The following CSMD1 variants were observed in gnomAD, a reference collection of about 807,000 sequenced individuals.
CSMD1 encodes CUB and Sushi multiple domains 1, also known as CUB and sushi domain-containing protein 1.
Under a neutral mutation model 417.5 loss-of-function variants are expected in CSMD1, and 213 were observed. That is an observed-to-expected ratio of 0.51 (90% CI 0.46 to 0.57). The LOEUF is 0.57. Among genes scored for constraint, CSMD1 ranks in the 20% least tolerant of loss-of-function variants. The probability of loss-of-function intolerance (pLI) is 0.00; values close to 1 mark genes in which losing one functional copy is unlikely to be tolerated. For missense variants in CSMD1, 6,923 were observed against 4,529.7 expected (o/e 1.53, Z -15.17); for synonymous variants, 2,862 against 1,736.8 (o/e 1.65, Z -16.11).
At chr8:3,332,672 C>T (rs180711217) in intron 23 of CSMD1, among the ~76,000 whole-genome samples, 255 of 151,968 alleles carry the variant, frequency 1.7e-3, no homozygotes, top group Middle Eastern at 3.4e-3. Flanking sequence ...TGTGGGAGTG[C>T]GTGCATGTGT....
rs375471680 is a variant in CSMD1 at position 3,119,638 on chromosome 8, T to C, written c.6242-1051A>G. ...CTGATACTGTAATTTTAAAGCTAAA[T>C]GAGCCTCTCGCCCACTCTGGGAAGA... is the stretch of plus-strand genomic sequence containing the variant. On this transcript the variant is annotated intron_variant, in intron 41 of 69. Transcript: ENST00000635120. 6.1e-4 allele frequency among the ~76,000 whole-genome samples: 93 copies of C among 152,320 alleles called. 1 individual carries two copies. The East Asian group carries it at 7.4e-3, about 12-fold the overall frequency.
intron 1 of CSMD1, among the ~76,000 whole-genome samples, chr8:4,887,447 C>A (rs1468804967): frequency 1.3e-5 from 2 of 151,988 alleles, no homozygotes; most frequent in South Asian, 2.1e-4. Flanking sequence ...AGATTTTTTT[C>A]ACTTGGCTAC....
At chr8:4,445,123 G>A (rs768081649) in intron 2 of CSMD1, among the ~76,000 whole-genome samples, 28 of 152,302 alleles carry the variant, frequency 1.8e-4, no homozygotes, top group Non-Finnish European at 3.1e-4. Context: ...TGACTGGATA[G>A]TAGATACAGT....
chr8:3,964,094 G>A (rs985590551), intron 5 of CSMD1, among the ~76,000 whole-genome samples: 1 of 152,146 alleles, frequency 6.6e-6, no homozygotes, highest in Non-Finnish European at 1.5e-5. Context: ...TTTGTCAACA[G>A]TAAAAAGAAC....
chr8:4,251,020 A>C (rs1585098132), intron 3 of CSMD1, among the ~76,000 whole-genome samples: 1 of 152,182 alleles, frequency 6.6e-6, no homozygotes, highest in African/African-American at 2.4e-5. Flanking sequence ...TGACAAGCAT[A>C]TTTTTAGATA....
chr8:3,298,969 A>G (rs916744633), intron 25 of CSMD1, among the ~76,000 whole-genome samples: 2 of 152,322 alleles, frequency 1.3e-5, no homozygotes, highest in East Asian at 3.9e-4. Context: ...AGAAGCTTAC[A>G]CAGAAAAACA....
chr8:3,532,475 T>A (rs1798023312), intron 10 of CSMD1, among the ~76,000 whole-genome samples: 1 of 152,190 alleles, frequency 6.6e-6, no homozygotes, highest in Non-Finnish European at 1.5e-5. Flanking sequence ...TTTCCTTGCC[T>A]GGTTTTTACC....
chr8:2,997,904 C>G lies in CSMD1; in HGVS notation c.8377+107G>C. The G allele has an allele frequency of 9.4e-6, 10 of 1,064,870 alleles. No homozygotes were observed. The Admixed American group carries it at 2.8e-4, about 30-fold the overall frequency. The allele number at this position is 1,064,870 out of a possible 1,614,324, so 66.0% of individuals were successfully genotyped here. ...ACCTGAATGGTGAGAGTTTGCAGAACTCTTTATGCATTACCCTTGATTCAT... is the reference window on the plus strand; with the variant it reads ...ACCTGAATGGTGAGAGTTTGCAGAAGTCTTTATGCATTACCCTTGATTCAT... On this transcript the variant is annotated intron_variant, in intron 54 of 69. Transcript: ENST00000635120.
At chr8:3,792,442 G>C (rs1051373117) in intron 5 of CSMD1, among the ~76,000 whole-genome samples, 1 of 152,166 alleles carries the variant, frequency 6.6e-6, no homozygotes, top group East Asian at 1.9e-4. Flanking sequence ...AGGCAAAACT[G>C]AACAAGATGA....
chr8:4,118,269 G>A (rs1802275818), intron 3 of CSMD1, among the ~76,000 whole-genome samples: 1 of 152,220 alleles, frequency 6.6e-6, no homozygotes, highest in Non-Finnish European at 1.5e-5. Flanking sequence ...ATGCCCTTAA[G>A]AAATGCTCAC....
chr8:3,453,795 T>TG lies in CSMD1; in HGVS notation c.1561+14916dup, dbSNP rs555017653. ...GAAAAGAATATATATTCTATTGATT[T>TG]GGGGGGGATAGTTCTGTAGATGTCT... is the stretch of plus-strand genomic sequence containing the variant. On this transcript the variant is annotated intron_variant, in intron 12 of 69. Coordinates refer to ENST00000635120, the MANE Select transcript of CSMD1 (RefSeq NM_033225.6). 1.7e-3 allele frequency among the ~76,000 whole-genome samples: 260 copies of TG among 152,252 alleles called. 1 individual carries two copies. Among genetic ancestry groups the TG allele is most frequent in the Middle Eastern group, 3.4e-3 (1 of 294 alleles).
At chr8:4,413,861 G>C (rs1796785477) in intron 3 of CSMD1, among the ~76,000 whole-genome samples, 1 of 152,138 alleles carries the variant, frequency 6.6e-6, no homozygotes, top group African/African-American at 2.4e-5. Context: ...GAAGGAATGT[G>C]TTTACAGGAA....
intron 18 of CSMD1, among the ~76,000 whole-genome samples, chr8:3,386,260 T>G (rs958641569): frequency 1.3e-5 from 2 of 152,220 alleles, no homozygotes; most frequent in African/African-American, 4.8e-5. Flanking sequence ...GGCTCACCCC[T>G]GCGTTGCTTG....
intron 12 of CSMD1, among the ~76,000 whole-genome samples, chr8:3,431,157 T>C (rs912791505): frequency 3.3e-5 from 5 of 152,150 alleles, no homozygotes; most frequent in African/African-American, 1.2e-4. Flanking sequence ...AGCAACTCTA[T>C]GGACTCTCTA....
At position 4,191,306 on chromosome 8, in the gene CSMD1, G is replaced by A. The variant is rs374408580; in HGVS notation, c.416-159207C>T. 1.8e-3 allele frequency among the ~76,000 whole-genome samples: 272 copies of A among 152,228 alleles called. 1 individual carries two copies. The highest frequency in any genetic ancestry group is 6.3e-3 in the African/African-American group (263 of 41,528). ...AGCTACTCGGGAGGCTGAGGCAGGA[G>A]AATGGCGTGAACCCGGGAGGCAGAG... is the stretch of plus-strand genomic sequence containing the variant. On this transcript the variant is annotated intron_variant, in intron 3 of 69. Transcript: ENST00000635120.
chr8:3,863,798 A>G (rs1804893166), intron 5 of CSMD1, among the ~76,000 whole-genome samples: 1 of 152,170 alleles, frequency 6.6e-6, no homozygotes, highest in Admixed American at 6.6e-5. Context: ...TAAAAATTCT[A>G]CAATCTTCTA....
At chr8:3,779,734 T>C (rs1199952672) in intron 5 of CSMD1, among the ~76,000 whole-genome samples, 2 of 152,194 alleles carry the variant, frequency 1.3e-5, no homozygotes, top group African/African-American at 4.8e-5. Context: ...GAACATAAAA[T>C]TATATTTAAG....
At chr8:4,949,539 T>G (rs1808594949) in intron 1 of CSMD1, among the ~76,000 whole-genome samples, 1 of 152,182 alleles carries the variant, frequency 6.6e-6, no homozygotes, top group Non-Finnish European at 1.5e-5. Flanking sequence ...TGTCCAGACG[T>G]GCTTAGTTGT....
intron 2 of CSMD1, among the ~76,000 whole-genome samples, chr8:4,545,421 A>C (rs1797584783): frequency 6.6e-6 from 1 of 152,222 alleles, no homozygotes; most frequent in African/African-American, 2.4e-5. Flanking sequence ...GATTAATAAG[A>C]GTCCTACATA....
Sources: gnomAD v4.1 joint callset for allele counts (sites outside exome capture counted in the v4.1 genomes callset) on GRCh38, gnomAD v4.1.1 for gene constraint, MANE v1.5 for transcripts, NCBI Gene and HGNC (gene_info 2026-07-23, HGNC 2026-07-21) for gene names.